The following NXPH1 variants were observed in gnomAD, a reference collection of about 807,000 sequenced individuals.
The protein encoded by NXPH1 is neurexophilin-1.
In NXPH1, 5 loss-of-function variants were observed where a neutral mutation model predicts 23.7. The observed-to-expected ratio is 0.21, with a 90% CI of 0.11 to 0.44. The LOEUF (loss-of-function observed/expected upper bound fraction) is 0.44, where lower values mean the gene tolerates loss of function less well. Ranked by LOEUF, NXPH1 falls within the 20% of genes least tolerant of loss-of-function variation. NXPH1 has a pLI of 0.99. For synonymous variants in NXPH1, 144 were observed against 122.2 expected, an observed-to-expected ratio of 1.18 and a Z score of -1.18; for missense variants, 324 against 321.6, an observed-to-expected ratio of 1.01 and a Z score of -0.06.
chr7:8,680,803 C>T (rs1366724326), intron 2 of NXPH1, among the ~76,000 whole-genome samples: 3 of 152,344 alleles, frequency 2.0e-5, no homozygotes, highest in South Asian at 2.1e-4. Context: ...TCAAGGATAC[C>T]TGTGATCAGC....
At chr7:8,459,359 T>G (rs967760958) in intron 2 of NXPH1, among the ~76,000 whole-genome samples, 7 of 152,160 alleles carry the variant, frequency 4.6e-5, no homozygotes, top group Non-Finnish European at 8.8e-5. Flanking sequence ...ACAAACTGAT[T>G]TATATTCCAT....
rs1425970586 is a variant in NXPH1, at chr7:8,435,451, G to A, written c.-110-153G>A. 1.8e-6 allele frequency: 1 copy of A among 547,124 alleles called. No individual in the cohort carries two copies. The highest frequency in any genetic ancestry group is 3.3e-6 in the Non-Finnish European group (1 of 306,538). The allele number at this position is 547,124 out of a possible 1,614,324, so 33.9% of individuals were successfully genotyped here. On this transcript the variant is annotated intron_variant, in intron 1 of 2. Transcript: ENST00000405863. The surrounding 1 kb of genome is among the most constrained non-coding windows in gnomAD (Gnocchi z 5.9). ...GCGGACCGCGCGCTTGCTGGTCTCA[G>A]GCGCTGGATTTACTCGCTTTTCAAT...
chr7:8,519,476 T>C (rs966844256), intron 2 of NXPH1, among the ~76,000 whole-genome samples: 6 of 152,184 alleles, frequency 3.9e-5, no homozygotes, highest in Non-Finnish European at 5.9e-5. Flanking sequence ...AATGAACACA[T>C]TTAAACTGAA....
intron 2 of NXPH1, among the ~76,000 whole-genome samples, chr7:8,445,960 C>T (rs146233124): frequency 1.1e-3 from 163 of 152,290 alleles, no homozygotes; most frequent in Middle Eastern, 3.4e-3. Context: ...ACCTCTTCAA[C>T]TGAACTTTAG....
At chr7:8,642,254 T>C (rs1007140145) in intron 2 of NXPH1, among the ~76,000 whole-genome samples, 10 of 152,248 alleles carry the variant, frequency 6.6e-5, no homozygotes, top group African/African-American at 2.4e-4. Context: ...AATGTTCAAA[T>C]TGGAAATCAT....
intron 2 of NXPH1, among the ~76,000 whole-genome samples, chr7:8,498,221 G>T (rs1218280577): frequency 6.6e-6 from 1 of 152,010 alleles, no homozygotes; most frequent in Non-Finnish European, 1.5e-5. Context: ...CCTGGGGTTT[G>T]CTGATCATTT....
At chr7:8,503,999 C>T (rs1817481778) in intron 2 of NXPH1, among the ~76,000 whole-genome samples, 1 of 151,946 alleles carries the variant, frequency 6.6e-6, no homozygotes, top group Non-Finnish European at 1.5e-5. Flanking sequence ...TCTACTAGTG[C>T]CTATTCTTCT....
intron 2 of NXPH1, among the ~76,000 whole-genome samples, chr7:8,565,828 A>G (rs17151356): frequency 0.015 from 2,305 of 151,810 alleles, 59 homozygotes; most frequent in African/African-American, 0.053. Context: ...TTCTATTTCT[A>G]TGATTCCTGG....
chr7:8,559,777 T>C (rs1818411569), intron 2 of NXPH1, among the ~76,000 whole-genome samples: 2 of 151,708 alleles, frequency 1.3e-5, no homozygotes, highest in African/African-American at 2.4e-5. Context: ...ATTTCAGTCA[T>C]AGAAACTCAA....
intron 2 of NXPH1, among the ~76,000 whole-genome samples, chr7:8,672,730 G>C (rs115623611): frequency 0.018 from 2,708 of 152,258 alleles, 82 homozygotes; most frequent in African/African-American, 0.061. Context: ...CAACTTATAC[G>C]AACACTGTGT....
At chr7:8,470,602 G>C (rs1816856906) in intron 2 of NXPH1, among the ~76,000 whole-genome samples, 1 of 152,162 alleles carries the variant, frequency 6.6e-6, no homozygotes, top group Non-Finnish European at 1.5e-5. Flanking sequence ...TAAGCCAGTG[G>C]TGAAGTGTCA....
At chr7:8,534,712 T>G (rs1300879074) in intron 2 of NXPH1, among the ~76,000 whole-genome samples, 1 of 152,110 alleles carries the variant, frequency 6.6e-6, no homozygotes, top group Non-Finnish European at 1.5e-5. Context: ...TTGACATGAT[T>G]TCAGGTCTCT....
chr7:8,659,477 C>G (rs1343737945), intron 2 of NXPH1, among the ~76,000 whole-genome samples: 1 of 152,118 alleles, frequency 6.6e-6, no homozygotes, highest in East Asian at 1.9e-4. Context: ...CAAACTATCG[C>G]AAGGACAGAA....
At chr7:8,499,397 A>G (rs1817393877) in intron 2 of NXPH1, among the ~76,000 whole-genome samples, 1 of 152,012 alleles carries the variant, frequency 6.6e-6, no homozygotes, top group Non-Finnish European at 1.5e-5. Context: ...CCAAAGACCA[A>G]GGCTCTGTAA....
intron 2 of NXPH1, among the ~76,000 whole-genome samples, chr7:8,643,884 A>G (rs191230851): frequency 1.2e-4 from 19 of 152,214 alleles, no homozygotes; most frequent in African/African-American, 4.6e-4. Flanking sequence ...CCTTCTACCA[A>G]TCTAAATATT....
intron 2 of NXPH1, among the ~76,000 whole-genome samples, chr7:8,691,165 G>T (rs1821215599): frequency 6.6e-6 from 1 of 151,736 alleles, no homozygotes; most frequent in African/African-American, 2.4e-5. Context: ...TTTTTTTTGA[G>T]ATGGAGTTTT....
chr7:8,708,835 C>G (rs1420433789), intron 2 of NXPH1, among the ~76,000 whole-genome samples: 1 of 152,096 alleles, frequency 6.6e-6, no homozygotes, highest in Non-Finnish European at 1.5e-5. Context: ...TATCTTGCTA[C>G]TCAACATGTG....
chr7:8,601,548 A>G (rs755367918), intron 2 of NXPH1, among the ~76,000 whole-genome samples: 72 of 152,178 alleles, frequency 4.7e-4, no homozygotes, highest in Non-Finnish European at 9.3e-4. Context: ...ACCAAGGTAT[A>G]TTATTCCAGG....
At chr7:8,518,467 A>T (rs1401244238) in intron 2 of NXPH1, among the ~76,000 whole-genome samples, 1 of 152,152 alleles carries the variant, frequency 6.6e-6, no homozygotes, top group Non-Finnish European at 1.5e-5. Context: ...TAAAGCATAC[A>T]TTTATTTCCT....
Sources: gnomAD v4.1 joint callset for allele counts (sites outside exome capture counted in the v4.1 genomes callset) on GRCh38, gnomAD v4.1.1 for gene constraint, Gnocchi (gnomAD v3.1) non-coding constraint, MANE v1.5 for transcripts, NCBI Gene and HGNC (gene_info 2026-07-23, HGNC 2026-07-21) for gene names.